The following MCPH1 variants were observed in gnomAD, a reference collection of about 807,000 sequenced individuals.
The protein encoded by MCPH1 is microcephalin 1.
A neutral mutation model predicts 84.5 loss-of-function variants in MCPH1; 104 were observed. That is an observed-to-expected ratio of 1.23 (90% CI 1.05 to 1.45). The LOEUF (loss-of-function observed/expected upper bound fraction) is 1.45. Ranked by LOEUF, MCPH1 falls within the 40% of genes most tolerant of loss-of-function variation. The pLI is 0.00. For synonymous variants in MCPH1, 514 were observed against 366.8 expected, an observed-to-expected ratio of 1.40 and a Z score of -4.58; for missense variants, 1,498 against 1,005.7, an observed-to-expected ratio of 1.49 and a Z score of -6.62.
chr8:6,583,670 G>T (rs1048571982), intron 12 of MCPH1, among the ~76,000 whole-genome samples: 3 of 152,152 alleles, frequency 2.0e-5, no homozygotes, highest in African/African-American at 7.2e-5. Flanking sequence ...TGCAAATGAG[G>T]CCTTGGTGAT....
chr8:6,430,955 G>A (rs1250048479), intron 3 of MCPH1, among the ~76,000 whole-genome samples: 1 of 152,188 alleles, frequency 6.6e-6, no homozygotes, highest in Admixed American at 6.5e-5. Flanking sequence ...AGGTGGACAG[G>A]AGAAATGGCA....
chr8:6,482,425 G>A (rs912415110), intron 11 of MCPH1, among the ~76,000 whole-genome samples: 1 of 152,198 alleles, frequency 6.6e-6, no homozygotes, highest in Non-Finnish European at 1.5e-5. Flanking sequence ...TTTGGATAGG[G>A]TGGACTACTG....
chr8:6,511,789 T>C (rs1815160389), intron 12 of MCPH1, among the ~76,000 whole-genome samples: 1 of 152,230 alleles, frequency 6.6e-6, no homozygotes, highest in South Asian at 2.1e-4. Context: ...AAATATCTGT[T>C]AAGAACCATC....
At chr8:6,628,750 G>C (rs1796948040) in intron 13 of MCPH1, among the ~76,000 whole-genome samples, 1 of 152,222 alleles carries the variant, frequency 6.6e-6, no homozygotes, top group African/African-American at 2.4e-5. Flanking sequence ...GCCCAAGTGT[G>C]TCACAGCTGC....
chr8:6,627,296 G>C (rs1299231095), intron 13 of MCPH1: 2 of 985,186 alleles, frequency 2.0e-6, no homozygotes, highest in African/African-American at 1.7e-5. Flanking sequence ...AGAGAGGGGA[G>C]GCCATCTGCA....
chr8:6,508,751 C>G (rs1393870053), intron 12 of MCPH1: 26 of 831,386 alleles, frequency 3.1e-5, no homozygotes, highest in Middle Eastern at 3.3e-4. Flanking sequence ...ATATCATATT[C>G]TCACTTAAAA....
intron 3 of MCPH1, among the ~76,000 whole-genome samples, chr8:6,421,757 C>G (rs1800236596): frequency 6.6e-6 from 1 of 152,176 alleles, no homozygotes; most frequent in Non-Finnish European, 1.5e-5. Context: ...TTCCCCTTTA[C>G]AGAAGTTTGC....
At chr8:6,505,925 TA>T in intron 12 of MCPH1, among the ~76,000 whole-genome samples, 1 of 87,554 alleles carries the variant, frequency 1.1e-5, no homozygotes, top group South Asian at 3.8e-4. Flanking sequence ...TATGTATATA[TA>T]AAAACATACA....
chr8:6,451,926 T>C (rs1805136711), intron 8 of MCPH1, among the ~76,000 whole-genome samples: 1 of 152,234 alleles, frequency 6.6e-6, no homozygotes, highest in African/African-American at 2.4e-5. Flanking sequence ...ACTAATTGTT[T>C]AAATGTGTTA....
chr8:6,614,473 C>T (rs1412576479), intron 12 of MCPH1, among the ~76,000 whole-genome samples: 1 of 152,240 alleles, frequency 6.6e-6, no homozygotes, highest in African/African-American at 2.4e-5. Flanking sequence ...CCTGATTTCT[C>T]GCCCCCTCTT....
intron 12 of MCPH1, among the ~76,000 whole-genome samples, chr8:6,586,632 A>G (rs1337072210): frequency 1.3e-5 from 2 of 152,220 alleles, no homozygotes; most frequent in East Asian, 3.8e-4. Flanking sequence ...AAAGGCAAAC[A>G]GTGAGAGACG....
chr8:6,626,914 T>C (rs1796762054), intron 13 of MCPH1: 1 of 984,134 alleles, frequency 1.0e-6, no homozygotes, highest in South Asian at 4.7e-5. Context: ...TTGTCTGGGC[T>C]CCATTCAAGT....
intron 11 of MCPH1, among the ~76,000 whole-genome samples, chr8:6,497,243 G>C (rs900241620): frequency 7.2e-5 from 11 of 151,982 alleles, no homozygotes; most frequent in African/African-American, 2.7e-4. Context: ...CACGTTGAGA[G>C]GCCGAAGCAG....
chr8:6,518,546 C>G (rs1251441142), intron 12 of MCPH1, among the ~76,000 whole-genome samples: 3 of 152,158 alleles, frequency 2.0e-5, no homozygotes, highest in African/African-American at 7.2e-5. Flanking sequence ...CTTTTCCGTT[C>G]ATAATCAAGA....
chr8:6,418,297 G>A (rs568462393), intron 3 of MCPH1, among the ~76,000 whole-genome samples: 1 of 152,230 alleles, frequency 6.6e-6, no homozygotes, highest in East Asian at 1.9e-4. Context: ...AGAAAAAGTG[G>A]TGATGCCCAG....
chr8:6,640,149 A>T (rs1269475085), intron 13 of MCPH1, among the ~76,000 whole-genome samples: 1 of 151,178 alleles, frequency 6.6e-6, no homozygotes, highest in Non-Finnish European at 1.5e-5. Flanking sequence ...CTAACTGAAC[A>T]ATCTGAATTC....
At position 6,601,522 on chromosome 8, in the gene MCPH1, GACACAC is replaced by G. The variant is rs144757663; in HGVS notation, c.2215-19913_2215-19908del. Among the ~76,000 whole-genome samples the G allele has an allele frequency of 6.2e-5, 9 of 144,084 alleles. 1 individual carries two copies. Among genetic ancestry groups the G allele is most frequent in the South Asian group, 2.2e-4 (1 of 4,472 alleles). The allele number at this position is 144,084 out of a possible 152,430, so 94.5% of individuals were successfully genotyped here. A position where few individuals can be genotyped will look rare whatever the true frequency, so the allele number is the denominator to read the frequency against. On this transcript the variant is annotated intron_variant, in intron 12 of 13. Coordinates refer to ENST00000344683, the MANE Select transcript of MCPH1 (RefSeq NM_024596.5). ...CCCCTACCTGTCCTCCATCATATGG[GACACAC>G]ACACACACACACACACACCCCTACG...
chr8:6,588,071 G>A (rs1828136854), intron 12 of MCPH1, among the ~76,000 whole-genome samples: 1 of 152,220 alleles, frequency 6.6e-6, no homozygotes, highest in African/African-American at 2.4e-5. Flanking sequence ...TGCCAAGTGA[G>A]CGTATATGGG....
Position 6,406,735 on chromosome 8 carries a change from C to G in MCPH1, c.22+46C>G, listed in dbSNP as rs779724877. ...TGCTCCAGCAGCGGGAGTTTGAGGA[C>G]CGGCACCCCTCGTCGCGGGCGCACT... On this transcript the variant is annotated intron_variant, in intron 1 of 13. Coordinates refer to ENST00000344683, the MANE Select transcript of MCPH1 (RefSeq NM_024596.5). The G allele has an allele frequency of 6.9e-6, 11 of 1,605,724 alleles. No homozygotes were observed. The East Asian group carries it at 8.9e-5, about 13-fold the overall frequency.
Sources: gnomAD v4.1 joint callset for allele counts (sites outside exome capture counted in the v4.1 genomes callset) on GRCh38, gnomAD v4.1.1 for gene constraint, MANE v1.5 for transcripts, NCBI Gene and HGNC (gene_info 2026-07-23, HGNC 2026-07-21) for gene names.